The following CDC42BPB variants were observed in gnomAD, a reference collection of about 807,000 sequenced individuals.
The protein encoded by CDC42BPB is serine/threonine-protein kinase MRCK beta.
Under a neutral mutation model 214.9 loss-of-function variants are expected in CDC42BPB, and 37 were observed. The ratio of observed to expected loss-of-function variants is 0.17; its 90% CI spans 0.13 to 0.23. The LOEUF (loss-of-function observed/expected upper bound fraction) is 0.23. CDC42BPB is among the 10% of genes least tolerant of loss of function. The pLI is 1.00. For synonymous variants in CDC42BPB, 931 were observed against 884.0 expected, an observed-to-expected ratio of 1.05 and a Z score of -0.94; for missense variants, 1,694 against 2,227.0, an observed-to-expected ratio of 0.76 and a Z score of 4.82.
chr14:102,938,283 C>T lies in CDC42BPB; in HGVS notation c.4933+23G>A, dbSNP rs1200159095. On this transcript the variant is annotated intron_variant, in intron 35 of 36. Coordinates refer to ENST00000361246, the MANE Select transcript of CDC42BPB (RefSeq NM_006035.4). ...CTACCCCCCACCTCCCCCAGGGCTG[C>T]GGGGGCCAGGCTTCCCCTGTACCTG... is the stretch of plus-strand genomic sequence containing the variant. The T allele has an allele frequency of 1.7e-5, 27 of 1,604,674 alleles. No homozygotes were observed. In the East Asian group the frequency reaches 2.0e-4, roughly 12 times the overall value.
chr14:102,989,042 T>C (rs1022542595), intron 5 of CDC42BPB, among the ~76,000 whole-genome samples: 1 of 152,072 alleles, frequency 6.6e-6, no homozygotes, highest in Non-Finnish European at 1.5e-5. Context: ...GTAATATATA[T>C]TACAGATAAA....
intron 1 of CDC42BPB, among the ~76,000 whole-genome samples, chr14:103,023,289 T>G (rs1886872608): frequency 6.6e-6 from 1 of 151,384 alleles, no homozygotes; most frequent in South Asian, 2.1e-4. Context: ...TGTCTCAGCC[T>G]CCCGAGTAGC....
At chr14:102,948,722 T>G (rs988836407) in intron 26 of CDC42BPB, among the ~76,000 whole-genome samples, 35 of 58,350 alleles carry the variant, frequency 6.0e-4, no homozygotes, top group South Asian at 1.7e-3. Flanking sequence ...GGTGTGGAGG[T>G]GAGAGGGGGA....
intron 1 of CDC42BPB, among the ~76,000 whole-genome samples, chr14:103,056,375 G>A (rs1888951047): frequency 6.6e-6 from 1 of 152,224 alleles, no homozygotes; most frequent in African/African-American, 2.4e-5. Context: ...TGACCAACAA[G>A]GGGATGTAGA....
chr14:102,945,133 T>C, intron 29 of CDC42BPB: 1 of 416,278 alleles, frequency 2.4e-6, no homozygotes, highest in Non-Finnish European at 4.9e-6. Flanking sequence ...GGCCATCACA[T>C]GCAGAGATGC....
chr14:103,017,114 G>C (rs904629110), intron 1 of CDC42BPB, among the ~76,000 whole-genome samples: 55 of 152,204 alleles, frequency 3.6e-4, no homozygotes, highest in African/African-American at 1.3e-3. Flanking sequence ...TTGAGCCCAG[G>C]AGTTCAAGAC....
chr14:102,980,716 A>G (rs1277743005), intron 8 of CDC42BPB, 57 bp downstream of exon 8: 1 of 1,539,272 alleles, frequency 6.5e-7, no homozygotes, highest in South Asian at 1.1e-5. Context: ...CCCTCAACAC[A>G]GCACTGCATG....
rs201120777 is a variant in CDC42BPB, at chr14:102,944,331, G to C, written c.3968C>G (p.Pro1323Arg). ...CATGAGCTGGCAGCCTTTGGTTTCC[G>C]GAAGCTTGATGTCAAAGCTGCCTTC... ...GAEGSFDIKL[P>R]ETKGCQLMAT... The change falls in exon 30 of 37, where the codon CCG (proline) becomes CGG (arginine). Residue 1323 changes from proline (P) to arginine (R), a missense_variant. By Grantham distance (103) the Pro-to-Arg change is moderately radical. Transcript: ENST00000361246. The surrounding 1 kb of genome is among the most constrained non-coding windows in gnomAD (Gnocchi z 6.6). 6.2e-7 allele frequency: 1 copy of C among 1,613,078 alleles called. No individual in the cohort carries two copies. Among genetic ancestry groups the C allele is most frequent in the Admixed American group, 1.7e-5 (1 of 60,020 alleles).
At chr14:102,950,396 G>T in intron 25 of CDC42BPB, 70 bp downstream of exon 25, 6 of 1,575,128 alleles carry the variant, frequency 3.8e-6, no homozygotes, top group Non-Finnish European at 4.3e-6. Context: ...TTCAAGAGTG[G>T]CTGGGCATGG....
chr14:103,025,496 T>C (rs562109561), intron 1 of CDC42BPB, among the ~76,000 whole-genome samples: 2 of 147,076 alleles, frequency 1.4e-5, no homozygotes, highest in Admixed American at 6.8e-5. Context: ...TGTAATGAAC[T>C]AGTACACATT....
At chr14:102,959,771 G>C in intron 20 of CDC42BPB, 61 bp from the exon 21 acceptor site, 1 of 1,422,962 alleles carries the variant, frequency 7.0e-7, no homozygotes, top group African/African-American at 1.5e-5. Context: ...ATTATTTTCA[G>C]ACAGACTCAG....
At chr14:102,997,618 T>A (rs911000464) in intron 5 of CDC42BPB, among the ~76,000 whole-genome samples, 1 of 152,194 alleles carries the variant, frequency 6.6e-6, no homozygotes, top group Admixed American at 6.5e-5. Context: ...ACCCGATGCA[T>A]GTCCGGTACG....
chr14:102,939,581 T>C, intron 34 of CDC42BPB, 29 bp downstream of exon 34: 1 of 1,538,502 alleles, frequency 6.5e-7, no homozygotes, highest in African/African-American at 1.4e-5. Context: ...TGGGGTGCCC[T>C]GCCCGCCCTA....
At chr14:103,041,630 G>A (rs996416697) in intron 1 of CDC42BPB, 20 of 718,384 alleles carry the variant, frequency 2.8e-5, no homozygotes, top group African/African-American at 1.9e-4. Context: ...GGACCCATCC[G>A]GCCCATCGTG....
rs1200571246 is a variant in CDC42BPB at position 102,950,507 on chromosome 14, C to T, written c.3268G>A (p.Val1090Met). ...EQSKRPLGVD[V>M]QRGIGTAYKG... ...TAGGCTGTTCCGATGCCTCGCTGCACGTCCACGCCCAGAGGCCTCTTGGAC... is the reference window on the plus strand; with the variant it reads ...TAGGCTGTTCCGATGCCTCGCTGCATGTCCACGCCCAGAGGCCTCTTGGAC... The change falls in exon 25 of 37, where the codon GTG becomes ATG. Residue 1090 changes from valine (V) to methionine (M), a missense_variant. Physicochemically the swap from Val to Met is conservative, Grantham distance 21. Around this residue, in one of 7 missense-constraint regions of CDC42BPB, gnomAD observed 567 missense variants for 790.3 expected, o/e 0.72. Coordinates refer to ENST00000361246, the MANE Select transcript of CDC42BPB (RefSeq NM_006035.4). 12 of 1,613,178 alleles carry T rather than the reference C, an allele frequency of 7.4e-6. No homozygotes were observed. Among genetic ancestry groups the T allele is most frequent in the African/African-American group, 1.3e-5 (1 of 74,956 alleles).
chr14:103,038,139 A>G (rs1358939773), intron 1 of CDC42BPB, among the ~76,000 whole-genome samples: 1 of 151,776 alleles, frequency 6.6e-6, no homozygotes, highest in East Asian at 1.9e-4. Context: ...GATCAAGACC[A>G]TCCTGGTCAA....
intron 1 of CDC42BPB, among the ~76,000 whole-genome samples, chr14:103,027,941 C>A (rs1887142595): frequency 6.6e-6 from 1 of 152,022 alleles, no homozygotes; most frequent in Non-Finnish European, 1.5e-5. Flanking sequence ...GCCAGCCTGG[C>A]CAACATAGTG....
chr14:102,969,927 C>T (rs551116863), intron 14 of CDC42BPB, among the ~76,000 whole-genome samples: 80 of 152,352 alleles, frequency 5.3e-4, no homozygotes, highest in Admixed American at 9.8e-4. Context: ...TTGCCTGAAA[C>T]TTTTATATAA....
rs571009868 is a variant in CDC42BPB at position 102,991,434 on chromosome 14, A to C, written c.597-4854T>G. 7.9e-5 allele frequency among the ~76,000 whole-genome samples: 12 copies of C among 152,390 alleles called. 1 individual carries two copies. Among genetic ancestry groups the C allele is most frequent in the African/African-American group, 2.4e-4 (10 of 41,596 alleles). ...GAACTATTCTAGATTAAAAGAGATTAAAGAAGACATGACAATAAATGCAAC... is the reference window on the plus strand; with the variant it reads ...GAACTATTCTAGATTAAAAGAGATTCAAGAAGACATGACAATAAATGCAAC... On this transcript the variant is annotated intron_variant, in intron 5 of 36. Transcript: ENST00000361246.
Sources: allele counts gnomAD v4.1 joint callset (sites outside exome capture counted in the v4.1 genomes callset), GRCh38; gene constraint gnomAD v4.1.1; regional missense constraint gnomAD v4.1.1; non-coding constraint Gnocchi (gnomAD v3.1); transcripts MANE v1.5; gene names NCBI Gene and HGNC (gene_info 2026-07-23, HGNC 2026-07-21).